NXPH1: variants seen among roughly 807,000 people sequenced by gnomAD.
NXPH1 encodes the protein neurexophilin-1.
In NXPH1, 5 loss-of-function variants were observed where a neutral mutation model predicts 23.7. The observed-to-expected ratio is 0.21, with a 90% CI of 0.11 to 0.44. NXPH1 has a LOEUF of 0.44. Ranked by LOEUF, NXPH1 falls within the 20% of genes least tolerant of loss-of-function variation. The pLI is 0.99. For missense variants in NXPH1, 324 were observed against 321.6 expected, an observed-to-expected ratio of 1.01 and a Z score of -0.06; for synonymous variants, 144 against 122.2, an observed-to-expected ratio of 1.18 and a Z score of -1.18.
intron 2 of NXPH1, among the ~76,000 whole-genome samples, chr7:8,469,167 G>A (rs1174884472): frequency 1.3e-5 from 2 of 151,912 alleles, no homozygotes; most frequent in Non-Finnish European, 2.9e-5. Flanking sequence ...AGGGGTGAAT[G>A]TTATTTTTTT....
intron 2 of NXPH1, among the ~76,000 whole-genome samples, chr7:8,655,248 G>T (rs867626625): frequency 1.3e-5 from 2 of 151,992 alleles, no homozygotes; most frequent in Non-Finnish European, 2.9e-5. Flanking sequence ...AGCTGGCCGT[G>T]GTGGCATGTG....
At chr7:8,557,085 G>C (rs1191653509) in intron 2 of NXPH1, among the ~76,000 whole-genome samples, 1 of 151,646 alleles carries the variant, frequency 6.6e-6, no homozygotes, top group Non-Finnish European at 1.5e-5. Context: ...ATGAGACATT[G>C]TAATGTAGCA....
intron 2 of NXPH1, among the ~76,000 whole-genome samples, chr7:8,663,239 C>T (rs759328377): frequency 2.6e-5 from 4 of 152,200 alleles, no homozygotes; most frequent in South Asian, 2.1e-4. Flanking sequence ...GGTCCCCCAT[C>T]GTTGAATTCT....
chr7:8,721,804 C>T (rs765942031), intron 2 of NXPH1, among the ~76,000 whole-genome samples: 2 of 152,170 alleles, frequency 1.3e-5, no homozygotes, highest in Non-Finnish European at 2.9e-5. Context: ...ATTGTTTAAA[C>T]GATCATCCAG....
At chr7:8,689,331 A>G (rs983541417) in intron 2 of NXPH1, among the ~76,000 whole-genome samples, 3 of 140,796 alleles carry the variant, frequency 2.1e-5, no homozygotes, top group Admixed American at 7.2e-5. Flanking sequence ...AAAAAAAAAA[A>G]CCAACTTACT....
chr7:8,604,460 T>G (rs910240566), intron 2 of NXPH1, among the ~76,000 whole-genome samples: 7 of 152,152 alleles, frequency 4.6e-5, no homozygotes, highest in African/African-American at 1.4e-4. Flanking sequence ...CTATTCCTGC[T>G]TTCTTACTGT....
intron 2 of NXPH1, among the ~76,000 whole-genome samples, chr7:8,726,264 C>T (rs750428682): frequency 6.7e-6 from 1 of 149,478 alleles, no homozygotes; most frequent in South Asian, 2.1e-4. Context: ...AATCCTTCCT[C>T]GTTTGCTTCT....
At chr7:8,720,609 C>CA (rs1374759727) in intron 2 of NXPH1, among the ~76,000 whole-genome samples, 1 of 152,088 alleles carries the variant, frequency 6.6e-6, no homozygotes, top group Admixed American at 6.5e-5. Flanking sequence ...AAACAGACCA[C>CA]AAAATGACAA....
intron 2 of NXPH1, among the ~76,000 whole-genome samples, chr7:8,745,719 ATTTTTTTTTT>A (rs56019801): frequency 1.5e-4 from 17 of 111,846 alleles, no homozygotes; most frequent in Middle Eastern, 5.0e-3. Flanking sequence ...CGCCCAGCTA[ATTTTTTTTTT>A]TTTTTTTTTT....
Position 8,687,508 on chromosome 7 carries a change from A to G in NXPH1, c.55-63500A>G, listed in dbSNP as rs568492881. Among the ~76,000 whole-genome samples, 4 of 152,304 alleles carry G rather than the reference A, an allele frequency of 2.6e-5. No individual in the cohort carries two copies. In the East Asian group the frequency reaches 7.7e-4, roughly 29 times the overall value. On this transcript the variant is annotated intron_variant, in intron 2 of 2. Coordinates refer to ENST00000405863, the MANE Select transcript of NXPH1 (RefSeq NM_152745.3). ...CATTTTACCTCATTTTTCTAATCATAGAAACATGGTTCTTTTTCCTGTAAT... is the reference window on the plus strand; with the variant it reads ...CATTTTACCTCATTTTTCTAATCATGGAAACATGGTTCTTTTTCCTGTAAT...
intron 2 of NXPH1, among the ~76,000 whole-genome samples, chr7:8,670,968 C>A (rs1344586096): frequency 6.6e-6 from 1 of 152,106 alleles, no homozygotes; most frequent in Non-Finnish European, 1.5e-5. Context: ...TTGGGATGTA[C>A]TCATCTGCCT....
chr7:8,731,553 T>G (rs899831179), intron 2 of NXPH1, among the ~76,000 whole-genome samples: 1 of 152,174 alleles, frequency 6.6e-6, no homozygotes, highest in African/African-American at 2.4e-5. Context: ...TAGTTTTCCT[T>G]CTAACAGACA....
chr7:8,703,396 A>T (rs565529966), intron 2 of NXPH1, among the ~76,000 whole-genome samples: 1 of 152,228 alleles, frequency 6.6e-6, no homozygotes, highest in South Asian at 2.1e-4. Context: ...TATGCACGCT[A>T]TTGAAATACC....
chr7:8,668,267 T>TC (rs1820811344), intron 2 of NXPH1, among the ~76,000 whole-genome samples: 1 of 70,208 alleles, frequency 1.4e-5, no homozygotes, highest in Non-Finnish European at 4.4e-5. Flanking sequence ...TTTTTTTTTT[T>TC]TTATTTTGTT....
chr7:8,686,846 C>T (rs1562454680), intron 2 of NXPH1, among the ~76,000 whole-genome samples: 1 of 152,026 alleles, frequency 6.6e-6, no homozygotes, highest in Non-Finnish European at 1.5e-5. Context: ...TTTATGCCAT[C>T]ACTGTATTTA....
chr7:8,707,850 T>C (rs1156289791), intron 2 of NXPH1, among the ~76,000 whole-genome samples: 1 of 152,168 alleles, frequency 6.6e-6, no homozygotes, highest in East Asian at 1.9e-4. Flanking sequence ...AAGAAATAAA[T>C]TGTATTATTG....
intron 2 of NXPH1, among the ~76,000 whole-genome samples, chr7:8,640,610 T>A (rs1371361410): frequency 1.3e-5 from 2 of 152,126 alleles, no homozygotes; most frequent in Non-Finnish European, 2.9e-5. Context: ...TATGTGATGG[T>A]CTCATAATTC....
chr7:8,656,699 C>T (rs1036542054), intron 2 of NXPH1, among the ~76,000 whole-genome samples: 1 of 151,716 alleles, frequency 6.6e-6, no homozygotes, highest in Non-Finnish European at 1.5e-5. Flanking sequence ...CCCGCTCCCC[C>T]CACCCCACAA....
At chr7:8,546,631 T>C (rs1455040088) in intron 2 of NXPH1, among the ~76,000 whole-genome samples, 1 of 151,362 alleles carries the variant, frequency 6.6e-6, no homozygotes, top group Non-Finnish European at 1.5e-5. Context: ...CTAACTTAGG[T>C]TGCAGGAACC....
Sources: allele counts gnomAD v4.1 joint callset (sites outside exome capture counted in the v4.1 genomes callset), GRCh38; gene constraint gnomAD v4.1.1; transcripts MANE v1.5; gene names NCBI Gene and HGNC (gene_info 2026-07-23, HGNC 2026-07-21).